Variants in ZNF644 observed in about 807,000 individuals in gnomAD.
ZNF644 encodes zinc finger protein 644, also known as zinc finger motif enhancer binding protein 2.
Under a neutral mutation model 108.0 loss-of-function variants are expected in ZNF644, and 20 were observed. That is an observed-to-expected ratio of 0.19 (90% CI 0.13 to 0.27). The LOEUF (loss-of-function observed/expected upper bound fraction) is 0.27, where lower values mean the gene tolerates loss of function less well. Ranked by LOEUF, ZNF644 falls within the 10% of genes least tolerant of loss-of-function variation. The pLI is 1.00. For synonymous variants in ZNF644, 542 were observed against 539.1 expected, an observed-to-expected ratio of 1.01 and a Z score of -0.08; for missense variants, 1,338 against 1,548.9, an observed-to-expected ratio of 0.86 and a Z score of 2.29.
intron 1 of ZNF644, among the ~76,000 whole-genome samples, chr1:90,998,821 T>G (rs1161844799): frequency 6.6e-6 from 1 of 152,106 alleles, no homozygotes; most frequent in East Asian, 1.9e-4. Flanking sequence ...GACAAATGGC[T>G]AACAGAATAA....
At chr1:90,960,726 C>A (rs563924011) in intron 2 of ZNF644, among the ~76,000 whole-genome samples, 83 of 152,076 alleles carry the variant, frequency 5.5e-4, no homozygotes, top group Non-Finnish European at 1.2e-3. Context: ...AGTAAGACAC[C>A]CTAAAGCTCC....
At chr1:90,969,778 A>G (rs1655276495) in intron 2 of ZNF644, among the ~76,000 whole-genome samples, 1 of 152,180 alleles carries the variant, frequency 6.6e-6, no homozygotes, top group African/African-American at 2.4e-5. Context: ...TTTATCACAG[A>G]TATGTGTATG....
In ZNF644 at chr1:90,938,388, G is replaced by A. The variant is rs1490905596; in HGVS notation, c.2966C>T (p.Ala989Val). The A allele has an allele frequency of 6.2e-7, 1 of 1,613,786 alleles. No homozygotes were observed. The highest frequency in any genetic ancestry group is 8.5e-7 in the Non-Finnish European group (1 of 1,179,902). Residue 989 changes from alanine (A) to valine (V), a missense_variant, in exon 3 of 6, where the codon GCA (alanine) becomes GTA (valine). Physicochemically the swap from Ala to Val is moderately conservative, Grantham distance 64. Coordinates refer to ENST00000337393, the MANE Select transcript of ZNF644 (RefSeq NM_201269.3). This position sits in a 1 kb window ranked among gnomAD's most constrained non-coding sequence, Gnocchi z 4.2. ...ATGACGGGCTTCATAGCTTAATCCTGCTCTGTGAAGATGCCCCCTGACATG... is the reference window on the plus strand; with the variant it reads ...ATGACGGGCTTCATAGCTTAATCCTACTCTGTGAAGATGCCCCCTGACATG... The part of the protein sequence containing the change: ...SNHVRGHLHR[A>V]GLSYEARHVV...
intron 1 of ZNF644, among the ~76,000 whole-genome samples, chr1:90,983,873 G>A (rs1409504834): frequency 6.6e-6 from 1 of 152,220 alleles, no homozygotes; most frequent in Admixed American, 6.5e-5. Context: ...AGGTTGCAAT[G>A]AGCCAAGATC....
chr1:90,943,456 A>G (rs1029174492), intron 2 of ZNF644, among the ~76,000 whole-genome samples: 1 of 152,186 alleles, frequency 6.6e-6, no homozygotes, highest in African/African-American at 2.4e-5. Context: ...ATAAAAAACA[A>G]TAAAATAATA....
At chr1:90,924,082 A>T (rs1340608570) in intron 4 of ZNF644, among the ~76,000 whole-genome samples, 1 of 152,206 alleles carries the variant, frequency 6.6e-6, no homozygotes, top group African/African-American at 2.4e-5. Context: ...AGCTGGACAT[A>T]AATATGATAC....
Position 90,938,701 on chromosome 1 carries a change from C to T in ZNF644, c.2653G>A (p.Glu885Lys). Residue 885 changes from glutamate (E) to lysine (K), a missense_variant, in exon 3 of 6, where the codon GAG becomes AAG. Physicochemically the swap from Glu to Lys is moderately conservative, Grantham distance 56. Transcript: ENST00000337393. This position sits in a 1 kb window ranked among gnomAD's most constrained non-coding sequence, Gnocchi z 4.2. ...AATAAAGGGAATAAATTTACATGCT[C>T]TTGATTAATATCACTATAGGTTTCA... ...EDETYSDINQ[E>K]HVNLFPLFKS... The T allele has an allele frequency of 1.2e-6, 2 of 1,613,254 alleles. No homozygotes were observed.
Position 90,924,364 on chromosome 1 carries a change from T to C in ZNF644, c.3689-6210A>G, listed in dbSNP as rs184876669. Among the ~76,000 whole-genome samples, 4 of 152,276 alleles carry C rather than the reference T, an allele frequency of 2.6e-5. No individual in the cohort carries two copies. The East Asian group carries it at 5.8e-4, about 22-fold the overall frequency. The stretch of plus-strand genomic sequence containing the variant: ...CACTTTTGTAAGACACATCTGAAAT[T>C]AGAATAAACATTAAAGTACATAATG... On this transcript the variant is annotated intron_variant, in intron 4 of 5. Transcript: ENST00000337393.
chr1:90,917,741 A>G (rs1648964144), intron 5 of ZNF644, among the ~76,000 whole-genome samples: 1 of 152,142 alleles, frequency 6.6e-6, no homozygotes, highest in Non-Finnish European at 1.5e-5. Flanking sequence ...CAAGTGATCC[A>G]CCCATCTTGG....
chr1:91,014,121 T>C (rs972776832), intron 1 of ZNF644, among the ~76,000 whole-genome samples: 7 of 152,168 alleles, frequency 4.6e-5, no homozygotes, highest in Admixed American at 4.6e-4. Flanking sequence ...GAAATACATA[T>C]AAATTATGCA....
chr1:90,958,106 C>T (rs916202541), intron 2 of ZNF644, among the ~76,000 whole-genome samples: 4 of 151,474 alleles, frequency 2.6e-5, no homozygotes, highest in Non-Finnish European at 5.9e-5. Flanking sequence ...CCTGTCTCTA[C>T]TAAAAATAAA....
chr1:90,951,350 C>T lies in ZNF644; in HGVS notation c.45-10041G>A, dbSNP rs145724874. On this transcript the variant is annotated intron_variant, in intron 2 of 5. Coordinates refer to ENST00000337393, the MANE Select transcript of ZNF644 (RefSeq NM_201269.3). ...AGGACCTACAGAGAGATACTACTAC[C>T]TAGTAACCCTTTGACTTCGTTTCCT... Among the ~76,000 whole-genome samples the T allele has an allele frequency of 9.4e-3, 1,436 of 152,298 alleles. 14 individuals are homozygous for T. The highest frequency in any genetic ancestry group is 0.014 in the Non-Finnish European group (955 of 68,018).
chr1:90,995,563 C>A (rs1658071237), intron 1 of ZNF644, among the ~76,000 whole-genome samples: 1 of 151,968 alleles, frequency 6.6e-6, no homozygotes, highest in African/African-American at 2.4e-5. Flanking sequence ...GCAGAATATA[C>A]ACAAAGAGCC....
At chr1:90,982,102 T>G (rs1570495158) in intron 2 of ZNF644, among the ~76,000 whole-genome samples, 1 of 152,174 alleles carries the variant, frequency 6.6e-6, no homozygotes, top group East Asian at 1.9e-4. Flanking sequence ...AGAAGGAAAC[T>G]AAAAATTTAG....
At chr1:90,968,543 G>A (rs940011964) in intron 2 of ZNF644, among the ~76,000 whole-genome samples, 2 of 152,040 alleles carry the variant, frequency 1.3e-5, no homozygotes, top group African/African-American at 4.8e-5. Flanking sequence ...TTAAATCTCT[G>A]TCACATTTAT....
chr1:90,932,930 GCTTT>G (rs1443596668), intron 4 of ZNF644, among the ~76,000 whole-genome samples: 1 of 152,068 alleles, frequency 6.6e-6, no homozygotes, highest in East Asian at 1.9e-4. Flanking sequence ...CCAAACACAC[GCTTT>G]CTATTTCCTA....
chr1:90,990,776 T>C (rs1035847677), intron 1 of ZNF644, among the ~76,000 whole-genome samples: 1 of 152,180 alleles, frequency 6.6e-6, no homozygotes, highest in South Asian at 2.1e-4. Context: ...CCAGAAATAG[T>C]ACCTGTTCTC....
At chr1:91,014,551 T>C (rs994093609) in intron 1 of ZNF644, among the ~76,000 whole-genome samples, 3 of 152,198 alleles carry the variant, frequency 2.0e-5, no homozygotes, top group African/African-American at 7.2e-5. Context: ...ATAGATAGCA[T>C]GATTAAACCT....
At chr1:90,962,239 G>C (rs989103965) in intron 2 of ZNF644, among the ~76,000 whole-genome samples, 1 of 150,958 alleles carries the variant, frequency 6.6e-6, no homozygotes, top group African/African-American at 2.5e-5. Flanking sequence ...TGGATATAAA[G>C]ACATTATTAT....
Sources: allele counts gnomAD v4.1 joint callset (sites outside exome capture counted in the v4.1 genomes callset), GRCh38; gene constraint gnomAD v4.1.1; non-coding constraint Gnocchi (gnomAD v3.1); transcripts MANE v1.5; gene names NCBI Gene and HGNC (gene_info 2026-07-23, HGNC 2026-07-21).